The following MUC6 variants were observed in gnomAD, a reference collection of about 807,000 sequenced individuals.
MUC6 encodes mucin-6.
MUC6 carries 188 observed loss-of-function variants against 201.5 expected under a neutral mutation model. The ratio of observed to expected loss-of-function variants is 0.93; its 90% confidence interval spans 0.83 to 1.05. The LOEUF is 1.05. MUC6 is among the 50% of genes least tolerant of loss of function. MUC6 has a pLI of 0.00. For missense variants in MUC6, 2,706 were observed against 3,256.9 expected, an observed-to-expected ratio of 0.83 and a Z score of 4.12; for synonymous variants, 1,228 against 1,389.4, an observed-to-expected ratio of 0.88 and a Z score of 2.58.
rs908494103 is a variant in MUC6, at chr11:1,036,715, G to A, written c.-60C>T. Reference sequence around the variant, plus strand: ...GCAGGCCTGCTGCTGCCATCCATGCGGCTCCAACGGCCGGTCCTGGGTGCC... The same window carrying A: ...GCAGGCCTGCTGCTGCCATCCATGCAGCTCCAACGGCCGGTCCTGGGTGCC... On this transcript the variant is annotated 5_prime_UTR_variant, in exon 1 of 33. Coordinates refer to ENST00000421673, the MANE Select transcript of MUC6 (RefSeq NM_005961.3). 1.5e-5 allele frequency: 23 copies of A among 1,514,744 alleles called. No individual in the cohort carries two copies. The highest frequency in any genetic ancestry group is 4.2e-5 in the African/African-American group (3 of 72,176). 93.8% of individuals were successfully genotyped at this position (1,514,744 alleles called of 1,614,324 possible). A position where few individuals can be genotyped will look rare whatever the true frequency, so the allele number is the denominator to read the frequency against.
In MUC6 at chr11:1,031,639, C is replaced by T. The variant is rs1437699780; in HGVS notation, c.451G>A (p.Glu151Lys). Residue 151 changes from glutamate (E) to lysine (K), a missense_variant, in exon 4 of 33, where the codon GAA becomes AAA. By Grantham distance (56) the Glu-to-Lys change is moderately conservative. Around this residue, in one of 10 missense-constraint regions of MUC6, gnomAD observed 1,850 missense variants for 1,958.3 expected, o/e 0.94. Transcript: ENST00000421673. ...TGGCTGTCAGGACCCCACACGACTT[C>T]CAGCTCCAGCTCCAGCTGCTTGGCC... Reference protein sequence around the residue: ...LVAKQLELELEVVWGPDSHLM... With the variant: ...LVAKQLELELKVVWGPDSHLM... 7 of 1,549,816 alleles carry T rather than the reference C, an allele frequency of 4.5e-6. No homozygotes were observed. Among genetic ancestry groups the T allele is most frequent in the Non-Finnish European group, 6.1e-6 (7 of 1,146,998 alleles).
Position 1,016,237 on chromosome 11 carries a change from C to T in MUC6, c.6564G>A (p.Thr2188=), listed in dbSNP as rs371036032. ...GAGGAGATGCAGACACTGATGCAGT[C>T]GTGGGATGAGTGGACAATGAGGAGT... ...GSHSSLSTHP[T]TASVSASPLF... is the part of the protein sequence containing the mutation. Residue 2188 remains threonine, a synonymous_variant, in exon 31 of 33, where the codon ACG becomes ACA. Coordinates refer to ENST00000421673, the MANE Select transcript of MUC6 (RefSeq NM_005961.3). 8.4e-5 allele frequency: 135 copies of T among 1,612,970 alleles called. No individual in the cohort carries two copies. In the East Asian group the frequency reaches 2.2e-3, roughly 27 times the overall value.
At chr11:1,028,424 C>G (rs765419611) in intron 13 of MUC6, 37 bp from the exon 14 acceptor site, 1 of 1,598,922 alleles carries the variant, frequency 6.3e-7, no homozygotes, top group East Asian at 2.2e-5. Context: ...TTGAACCCAT[C>G]CCTCCTGCAC....
chr11:1,015,869 G>A lies in MUC6; in HGVS notation c.6932C>T (p.Thr2311Ile). ...TNLTTRHPGP[T>I]LSPTTRFLTS... is the part of the protein sequence containing the mutation. ...CAGGAACCGTGTGGTAGGCGACAAG[G>A]TGGGACCAGGGTGCCTGGTGGTAAG... The change falls in exon 31 of 33, where the codon ACC becomes ATC. Residue 2311 changes from threonine (T) to isoleucine (I), a missense_variant. Around this residue, in one of 10 missense-constraint regions of MUC6, gnomAD observed 586 missense variants for 488.0 expected, o/e 1.20. Coordinates refer to ENST00000421673, the MANE Select transcript of MUC6 (RefSeq NM_005961.3). 2 of 1,608,556 alleles carry A rather than the reference G, an allele frequency of 1.2e-6. No homozygotes were observed. The highest frequency in any genetic ancestry group is 1.7e-6 in the Non-Finnish European group (2 of 1,176,904).
chr11:1,030,509 C>CT, intron 7 of MUC6, 64 bp downstream of exon 7: 2 of 1,456,080 alleles, frequency 1.4e-6, no homozygotes, highest in Non-Finnish European at 1.8e-6. Flanking sequence ...AGTCCAGGGG[C>CT]TGGGAGAGCT....
In MUC6 at chr11:1,024,064, C is replaced by T. The variant is rs375978389; in HGVS notation, c.3265G>A (p.Ala1089Thr). The T allele has an allele frequency of 1.4e-5, 22 of 1,613,102 alleles. No homozygotes were observed. The highest frequency in any genetic ancestry group is 6.7e-5 in the East Asian group (3 of 44,884). The change falls in exon 25 of 33, where the codon GCA (alanine) becomes ACA (threonine). Residue 1089 changes from alanine to threonine, a missense_variant. Physicochemically the swap from Ala to Thr is moderately conservative, Grantham distance 58. Transcript: ENST00000421673. ...TCCCCGCCACTGTCACACCCACATGCGTCGCGCACGCAGGCCTCGTAGTAG... is the reference window on the plus strand; with the variant it reads ...TCCCCGCCACTGTCACACCCACATGTGTCGCGCACGCAGGCCTCGTAGTAG... ...LPYYEACVRD[A>T]CGCDSGGDCE...
chr11:1,022,080 GCGCC>G (rs1856822438), intron 26 of MUC6, among the ~76,000 whole-genome samples: 1 of 110,988 alleles, frequency 9.0e-6, no homozygotes. Context: ...CTGCAGCCCC[GCGCC>G]TCTCACTCGC....
Position 1,018,707 on chromosome 11 carries a change from G to A in MUC6, c.4094C>T (p.Thr1365Ile). 55 of 1,604,974 alleles carry A rather than the reference G, an allele frequency of 3.4e-5. No homozygotes were observed. Among genetic ancestry groups the A allele is most frequent in the Non-Finnish European group, 4.5e-5 (53 of 1,176,022 alleles). ...TATQTTGPRP[T>I]PASTTGPTTP... ...GGTTGGGCCTGTGGTGCTTGCTGGG[G>A]TTGGACGTGGGCCTGTCGTCTGGGT... Residue 1365 changes from threonine to isoleucine, a missense_variant, in exon 31 of 33, where the codon ACC (threonine) becomes ATC (isoleucine). Around this residue, in one of 10 missense-constraint regions of MUC6, gnomAD observed 1,850 missense variants for 1,958.3 expected, o/e 0.94. Transcript: ENST00000421673.
Position 1,020,138 on chromosome 11 carries a change from G to A in MUC6, c.3760C>T (p.Leu1254Phe), listed in dbSNP as rs373515432. 2 of 1,613,328 alleles carry A rather than the reference G, an allele frequency of 1.2e-6. No homozygotes were observed. The highest frequency in any genetic ancestry group is 2.7e-5 in the African/African-American group (2 of 74,912). ...GAGGATGTGAGCGTGGCTGGAAGGA[G>A]GGGTGTCTGGGTGGGGCTGGCAGGG... ...HTPASPTQTP[L>F]LPATLTSSKP... The change falls in exon 29 of 33, where the codon CTC becomes TTC. Residue 1254 changes from leucine (L) to phenylalanine (F), a missense_variant. Transcript: ENST00000421673.
At chr11:1,015,112 G>A (rs1856572738) in intron 31 of MUC6, among the ~76,000 whole-genome samples, 1 of 152,244 alleles carries the variant, frequency 6.6e-6, no homozygotes, top group African/African-American at 2.4e-5. Context: ...GACATCCCTG[G>A]AACGCGAGGT....
intron 1 of MUC6, among the ~76,000 whole-genome samples, chr11:1,035,025 G>A (rs1471687286): frequency 1.3e-5 from 2 of 152,188 alleles, no homozygotes; most frequent in Admixed American, 6.5e-5. Context: ...CGCCACCCCC[G>A]GCCTCTCAGC....
Position 1,019,328 on chromosome 11 carries a change from C to A in MUC6, c.3977G>T (p.Arg1326Leu), listed in dbSNP as rs201742888. ...TGGGGTTGGTAGTGTCATTGTGGTC[C>A]GTGTTGTGGACTGAGCTGTGGACGT... is the stretch of plus-strand genomic sequence containing the variant. Reference protein sequence around the residue: ...ATTSTAQSTTRTTMTLPTPAT... With the variant: ...ATTSTAQSTTLTTMTLPTPAT... The change falls in exon 30 of 33, where the codon CGG becomes CTG. Residue 1326 changes from arginine to leucine, a missense_variant. This residue lies in a region of MUC6 where 1,850 missense variants were observed against 1,958.3 expected (regional missense o/e 0.94). Transcript: ENST00000421673. 3.7e-6 allele frequency: 6 copies of A among 1,613,960 alleles called. No homozygotes were observed. The East Asian group carries it at 6.7e-5, about 18-fold the overall frequency.
Position 1,020,102 on chromosome 11 carries a change from C to T in MUC6, c.3796G>A (p.Ala1266Thr), listed in dbSNP as rs370318317. 110 of 1,613,436 alleles carry T rather than the reference C, an allele frequency of 6.8e-5. No individual in the cohort carries two copies. The highest frequency in any genetic ancestry group is 1.7e-4 in the Admixed American group (10 of 59,986). ...GGAGGCTCCTTACCTCCCGAGGAGG[C>T]TGTGGGCTTGGAGGATGTGAGCGTG... Reference protein sequence around the residue: ...PATLTSSKPTASSGEPPRPTT... With the variant: ...PATLTSSKPTTSSGEPPRPTT... Residue 1266 changes from alanine (A) to threonine (T), a missense_variant, in exon 29 of 33, where the codon GCC becomes ACC. This residue lies in a region of MUC6 where 1,850 missense variants were observed against 1,958.3 expected (regional missense o/e 0.94). Coordinates refer to ENST00000421673, the MANE Select transcript of MUC6 (RefSeq NM_005961.3).
rs762339289 is a variant in MUC6, at chr11:1,028,329, G to C, written c.1650C>G (p.Ile550Met). ...TTDDFTTSMGIAEGTASLFVD... is the reference protein window; with the variant it reads ...TTDDFTTSMGMAEGTASLFVD... ...CAAACAGCGAGGCGGTGCCCTCGGC[G>C]ATACCCATGCTAGTGGTGAAGTCAT... The change falls in exon 14 of 33, where the codon ATC (isoleucine) becomes ATG (methionine). Residue 550 changes from isoleucine to methionine, a missense_variant. Coordinates refer to ENST00000421673, the MANE Select transcript of MUC6 (RefSeq NM_005961.3). The C allele has an allele frequency of 2.5e-6, 4 of 1,612,550 alleles. No individual in the cohort carries two copies. The East Asian group carries it at 6.7e-5, about 27-fold the overall frequency.
intron 20 of MUC6, 71 bp downstream of exon 20, chr11:1,026,256 C>T (rs943812851): frequency 2.1e-5 from 32 of 1,543,066 alleles, no homozygotes; most frequent in Non-Finnish European, 2.7e-5. Flanking sequence ...GACAGCCCCA[C>T]CCCGGGCAGC....
intron 1 of MUC6, among the ~76,000 whole-genome samples, chr11:1,035,600 AG>A (rs886166257): frequency 2.9e-5 from 4 of 140,216 alleles, no homozygotes; most frequent in Non-Finnish European, 4.6e-5. Context: ...CCACGGTTGA[AG>A]GGTGGTGCCC....
chr11:1,015,350 G>A (rs556608676), intron 31 of MUC6, among the ~76,000 whole-genome samples: 1 of 152,334 alleles, frequency 6.6e-6, no homozygotes, highest in Admixed American at 6.5e-5. Flanking sequence ...GTCTCTCTCT[G>A]CACTTGGAGG....
Position 1,033,408 on chromosome 11 carries a change from A to AG in MUC6, c.53-334dup, listed in dbSNP as rs1441294685. ...CCTGGGGCTTCTGGGTGGGGCTAGG[A>AG]GGGGCTGGTGCGGGTGGCAGGGGCT... On this transcript the variant is annotated intron_variant, in intron 1 of 32. Coordinates refer to ENST00000421673, the MANE Select transcript of MUC6 (RefSeq NM_005961.3). This position sits in a 1 kb window ranked among gnomAD's most constrained non-coding sequence, Gnocchi z 5.6. Among the ~76,000 whole-genome samples the AG allele has an allele frequency of 2.7e-5, 4 of 148,424 alleles. No individual in the cohort carries two copies. Among genetic ancestry groups the AG allele is most frequent in the Non-Finnish European group, 4.6e-5 (3 of 65,536 alleles).
rs1456992176 is a variant in MUC6 at position 1,031,480 on chromosome 11, C to T, written c.483+127G>A. ...GGTCAGGGGTCAGCACTGCTTGGCA[C>T]GAAGGGCCTGGCTGCATGGCAGCCT... On this transcript the variant is annotated intron_variant, in intron 4 of 32. Coordinates refer to ENST00000421673, the MANE Select transcript of MUC6 (RefSeq NM_005961.3). 41 of 1,439,806 alleles carry T rather than the reference C, an allele frequency of 2.8e-5. No individual in the cohort carries two copies. In the Admixed American group the frequency reaches 5.2e-4, roughly 18 times the overall value. The allele number at this position is 1,439,806 out of a possible 1,614,324, so 89.2% of individuals were successfully genotyped here.
Sources: gnomAD v4.1 joint callset for allele counts (sites outside exome capture counted in the v4.1 genomes callset) on GRCh38, gnomAD v4.1.1 for gene constraint, gnomAD v4.1.1 regional missense constraint, Gnocchi (gnomAD v3.1) non-coding constraint, MANE v1.5 for transcripts, NCBI Gene and HGNC (gene_info 2026-07-23, HGNC 2026-07-21) for gene names.